Variants in TBC1D8 observed in about 807,000 individuals in gnomAD.
TBC1D8 encodes the protein BUB2-like protein 1.
TBC1D8 carries 65 observed loss-of-function variants against 118.8 expected under a neutral mutation model. The ratio of observed to expected loss-of-function variants is 0.55; its 90% confidence interval spans 0.45 to 0.67. The LOEUF is 0.67. Ranked by LOEUF, TBC1D8 falls within the 30% of genes least tolerant of loss-of-function variation. The pLI is 0.00. For missense variants in TBC1D8, 1,376 were observed against 1,471.2 expected, an observed-to-expected ratio of 0.94 and a Z score of 1.06; for synonymous variants, 566 against 595.8, an observed-to-expected ratio of 0.95 and a Z score of 0.73.
intron 5 of TBC1D8, among the ~76,000 whole-genome samples, chr2:101,043,547 C>T (rs969747141): frequency 2.0e-5 from 3 of 152,308 alleles, no homozygotes; most frequent in African/African-American, 4.8e-5. Context: ...AAAGTGAATA[C>T]ATGGTGAGTA....
chr2:101,057,198 T>A (rs1377187970), intron 3 of TBC1D8, among the ~76,000 whole-genome samples: 1 of 152,152 alleles, frequency 6.6e-6, no homozygotes, highest in African/African-American at 2.4e-5. Flanking sequence ...GACCTGTTTT[T>A]AAAGGTCCAT....
intron 1 of TBC1D8, among the ~76,000 whole-genome samples, chr2:101,122,595 T>C (rs1251102244): frequency 6.6e-6 from 1 of 152,154 alleles, no homozygotes; most frequent in Non-Finnish European, 1.5e-5. Context: ...TCTTTTCCAA[T>C]AATACTCTAT....
In TBC1D8 at chr2:101,082,526, T is replaced by C. The variant is rs1176446310; in HGVS notation, c.283+7683A>G. Among the ~76,000 whole-genome samples, 7 of 152,210 alleles carry C rather than the reference T, an allele frequency of 4.6e-5. No individual in the cohort carries two copies. The East Asian group carries it at 1.2e-3, about 25-fold the overall frequency. ...CACACCACGTCCTTGTTTCGACTTA[T>C]GCCCAATCATTCAGAGATATGATTT... On this transcript the variant is annotated intron_variant, in intron 2 of 19. Transcript: ENST00000409318.
chr2:101,054,983 C>G (rs926934012), intron 3 of TBC1D8, among the ~76,000 whole-genome samples: 9 of 151,914 alleles, frequency 5.9e-5, no homozygotes, highest in African/African-American at 2.2e-4. Flanking sequence ...CGCCCGGCCA[C>G]AAATGATCAT....
intron 1 of TBC1D8, among the ~76,000 whole-genome samples, chr2:101,150,753 C>G (rs1431289266): frequency 6.6e-6 from 1 of 152,146 alleles, no homozygotes; most frequent in Admixed American, 6.5e-5. Flanking sequence ...CTCGGCGCAC[C>G]CCGCTGTCAC....
At chr2:101,056,423 C>T (rs930572037) in intron 3 of TBC1D8, among the ~76,000 whole-genome samples, 4 of 151,990 alleles carry the variant, frequency 2.6e-5, no homozygotes, top group African/African-American at 9.7e-5. Flanking sequence ...AGGATGGTCT[C>T]GATTTCCTGA....
chr2:101,102,167 T>A (rs1465416745), intron 1 of TBC1D8, among the ~76,000 whole-genome samples: 1 of 152,010 alleles, frequency 6.6e-6, no homozygotes, highest in African/African-American at 2.4e-5. Context: ...AATAATCCCT[T>A]CAAGGGCCGG....
intron 17 of TBC1D8, among the ~76,000 whole-genome samples, chr2:101,014,271 G>T (rs1679451081): frequency 6.6e-6 from 1 of 151,822 alleles, no homozygotes; most frequent in Admixed American, 6.6e-5. Flanking sequence ...TTTTAACTCA[G>T]GATCCCAATC....
In TBC1D8 at chr2:101,142,412, G is replaced by C. The variant is rs147085497; in HGVS notation, c.127+8715C>G. Among the ~76,000 whole-genome samples, 1,053 of 152,092 alleles carry C rather than the reference G, an allele frequency of 6.9e-3. 16 individuals are homozygous for C. Among genetic ancestry groups the C allele is most frequent in the African/African-American group, 0.024 (983 of 41,494 alleles). ...TCATCCTGATGGATACACCCAACAA[G>C]GTCACTCATAGAAATATTCTCTAGA... On this transcript the variant is annotated intron_variant, in intron 1 of 19. Transcript: ENST00000409318.
chr2:101,012,139 TTAGTA>T (rs1679262600), intron 17 of TBC1D8, among the ~76,000 whole-genome samples: 1 of 152,216 alleles, frequency 6.6e-6, no homozygotes, highest in Non-Finnish European at 1.5e-5. Flanking sequence ...CTCAGCCACT[TTAGTA>T]AACAGTCTGG....
At chr2:101,126,751 G>A (rs1678374693) in intron 1 of TBC1D8, among the ~76,000 whole-genome samples, 1 of 152,230 alleles carries the variant, frequency 6.6e-6, no homozygotes, top group Non-Finnish European at 1.5e-5. Flanking sequence ...AGCTAAGCTG[G>A]CTGTTCTTCC....
rs377763089 is a variant in TBC1D8 at position 101,028,106 on chromosome 2, C to T, written c.2393G>A (p.Arg798His). 2.5e-5 allele frequency: 40 copies of T among 1,613,826 alleles called. No individual in the cohort carries two copies. Among genetic ancestry groups the T allele is most frequent in the Non-Finnish European group, 3.4e-5 (40 of 1,179,902 alleles). ...DQSVEQIEHL[R>H]YKHRIRVLQG... ...GAGGACCCTGATCCTGTGCTTGTAA[C>T]GTAGGTGCTCGATCTGCTCCACAGA... The change falls in exon 14 of 20, where the codon CGT becomes CAT. Residue 798 changes from arginine to histidine, a missense_variant. Transcript: ENST00000409318.
intron 3 of TBC1D8, among the ~76,000 whole-genome samples, chr2:101,056,203 T>G (rs1163188313): frequency 1.8e-5 from 1 of 54,726 alleles, no homozygotes; most frequent in Non-Finnish European, 3.5e-5. Flanking sequence ...AAATTATTAT[T>G]ATTATTTTTT....
chr2:101,035,154 C>CA (rs1680927243), intron 9 of TBC1D8, among the ~76,000 whole-genome samples: 1 of 152,146 alleles, frequency 6.6e-6, no homozygotes, highest in Non-Finnish European at 1.5e-5. Flanking sequence ...CACAGGTACC[C>CA]AGCCCAGCCT....
intron 17 of TBC1D8, among the ~76,000 whole-genome samples, chr2:101,015,380 T>C (rs969532856): frequency 1.8e-4 from 28 of 152,208 alleles, no homozygotes; most frequent in East Asian, 1.9e-4. Flanking sequence ...CCATAGACTT[T>C]ATAAACACTT....
intron 1 of TBC1D8, among the ~76,000 whole-genome samples, chr2:101,115,929 C>A (rs745666736): frequency 1.3e-5 from 2 of 152,186 alleles, no homozygotes; most frequent in Non-Finnish European, 1.5e-5. Flanking sequence ...TGGGGCAAGT[C>A]TTCATCAGGT....
chr2:101,101,752 A>C (rs1676852677), intron 1 of TBC1D8, among the ~76,000 whole-genome samples: 1 of 152,204 alleles, frequency 6.6e-6, no homozygotes. Context: ...TTGCAGGGAT[A>C]GATGAAGCTG....
rs1680478679 is a variant in TBC1D8 at position 101,028,442 on chromosome 2, CCGCCCCGTCAA to C, written c.2223-21_2223-11del. 6.5e-7 allele frequency: 1 copy of C among 1,544,990 alleles called. No homozygotes were observed. The highest frequency in any genetic ancestry group is 1.4e-5 in the African/African-American group (1 of 72,898). The stretch of plus-strand genomic sequence containing the variant: ...AATGTGATCTAGAAACCTGAACACA[CCGCCCCGTCAA>C]CGCCCAAGTCCATCCTCATTCGGGT... On this transcript the variant is annotated splice_polypyrimidine_tract_variant and intron_variant, in intron 12 of 19. Transcript: ENST00000409318.
chr2:101,007,538 C>T lies in TBC1D8; in HGVS notation c.*283G>A, dbSNP rs1032111698. 3 of 394,118 alleles carry T rather than the reference C, an allele frequency of 7.6e-6. No homozygotes were observed. Among genetic ancestry groups the T allele is most frequent in the African/African-American group, 4.0e-5 (2 of 49,492 alleles). 24.4% of individuals were successfully genotyped at this position (394,118 alleles called of 1,614,324 possible). A position where few individuals can be genotyped will look rare whatever the true frequency, so the allele number is the denominator to read the frequency against. On this transcript the variant is annotated 3_prime_UTR_variant, in exon 20 of 20. Coordinates refer to ENST00000409318, the MANE Select transcript of TBC1D8 (RefSeq NM_001330348.2). ...CATTGTGTTCATCTGAGAGCAAAAT[C>T]AACACTAGCATCACAGCAGAAGTGC...
Sources: allele counts gnomAD v4.1 joint callset (sites outside exome capture counted in the v4.1 genomes callset), GRCh38; gene constraint gnomAD v4.1.1; transcripts MANE v1.5; gene names NCBI Gene and HGNC (gene_info 2026-07-23, HGNC 2026-07-21).